LGR6: variants seen among roughly 807,000 people sequenced by gnomAD.
LGR6 encodes leucine-rich repeat-containing G protein-coupled receptor 6.
Under a neutral mutation model 69.4 loss-of-function variants are expected in LGR6, and 45 were observed. The observed-to-expected ratio is 0.65, with a 90% CI of 0.51 to 0.83. LGR6 has a LOEUF of 0.83. LGR6 is among the 40% of genes least tolerant of loss of function. The pLI is 0.00. For missense variants in LGR6, 1,108 were observed against 1,246.7 expected, an observed-to-expected ratio of 0.89 and a Z score of 1.68; for synonymous variants, 538 against 555.0, an observed-to-expected ratio of 0.97 and a Z score of 0.43.
chr1:202,289,554 G>A (rs1041340924), intron 6 of LGR6, among the ~76,000 whole-genome samples: 4 of 152,342 alleles, frequency 2.6e-5, no homozygotes, highest in African/African-American at 9.6e-5. Context: ...GTAGGTGGAA[G>A]GAGGGAGGTT....
chr1:202,307,419 T>C lies in LGR6; in HGVS notation c.1280+18T>C. On this transcript the variant is annotated intron_variant, in intron 14 of 17. Coordinates refer to ENST00000367278, the MANE Select transcript of LGR6 (RefSeq NM_001017403.2). ...GTCAAGCTGTAAGTGCCTGCTGCAT[T>C]CTCCTCCAGGATGCTGGGGGCCAGT... 1 of 1,611,984 alleles carries C rather than the reference T, an allele frequency of 6.2e-7. No homozygotes were observed. Among genetic ancestry groups the C allele is most frequent in the Admixed American group, 1.7e-5 (1 of 60,004 alleles).
intron 1 of LGR6, among the ~76,000 whole-genome samples, chr1:202,199,178 G>A (rs113145433): frequency 0.023 from 3,436 of 152,166 alleles, 116 homozygotes; most frequent in African/African-American, 0.076. Flanking sequence ...CTCCCCGGGA[G>A]AGCTGCTCAG....
rs1227786013 is a variant in LGR6, at chr1:202,301,029, GT to G, written c.857+110del. 4 of 1,290,978 alleles carry G rather than the reference GT, an allele frequency of 3.1e-6. No individual in the cohort carries two copies. The East Asian group carries it at 9.3e-5, about 30-fold the overall frequency. The allele number at this position is 1,290,978 out of a possible 1,614,324, so 80.0% of individuals were successfully genotyped here. A position where few individuals can be genotyped will look rare whatever the true frequency, so the allele number is the denominator to read the frequency against. On this transcript the variant is annotated intron_variant, in intron 8 of 17. Transcript: ENST00000367278. ...CCTAGGAAGCACCAGGGAGGCAGAA[GT>G]ATGGGAGGGGTTGCCTTTCCCTGCA...
intron 11 of LGR6, among the ~76,000 whole-genome samples, chr1:202,305,071 C>T (rs1335580423): frequency 6.6e-6 from 1 of 152,166 alleles, no homozygotes; most frequent in Non-Finnish European, 1.5e-5. Flanking sequence ...GAATCTGAGG[C>T]TCCTCATCAG....
chr1:202,220,261 C>T (rs762709427), intron 1 of LGR6, among the ~76,000 whole-genome samples: 31 of 151,264 alleles, frequency 2.0e-4, no homozygotes, highest in Admixed American at 2.0e-3. Flanking sequence ...TCTGTCGTCC[C>T]GTTCGGAGTG....
chr1:202,222,403 G>C (rs1660221064), intron 1 of LGR6, among the ~76,000 whole-genome samples: 1 of 152,086 alleles, frequency 6.6e-6, no homozygotes. Flanking sequence ...CAGGGTGGTG[G>C]GGCAGAGGGA....
chr1:202,275,107 C>T (rs1224309785), intron 4 of LGR6, among the ~76,000 whole-genome samples: 8 of 152,164 alleles, frequency 5.3e-5, no homozygotes, highest in African/African-American at 1.9e-4. Flanking sequence ...TCACCCCATC[C>T]CACCCTACTG....
At chr1:202,256,605 C>T (rs574173753) in intron 4 of LGR6, among the ~76,000 whole-genome samples, 2 of 152,170 alleles carry the variant, frequency 1.3e-5, no homozygotes, top group Non-Finnish European at 2.9e-5. Context: ...TTTTATTTTA[C>T]CTCTGTATCA....
intron 9 of LGR6, among the ~76,000 whole-genome samples, chr1:202,302,842 C>A (rs1005273948): frequency 6.6e-6 from 1 of 152,166 alleles, no homozygotes. Context: ...CCACCACACC[C>A]GGCTGAGAAC....
intron 16 of LGR6, among the ~76,000 whole-genome samples, chr1:202,311,729 C>G (rs1311973239): frequency 1.3e-5 from 2 of 152,168 alleles, no homozygotes; most frequent in Non-Finnish European, 2.9e-5. Context: ...TTGGGGAAGA[C>G]TAAAAGATTC....
At chr1:202,314,932 C>T (rs746171698) in intron 17 of LGR6, 50 bp downstream of exon 17, 2 of 1,339,606 alleles carry the variant, frequency 1.5e-6, no homozygotes, top group Non-Finnish European at 2.1e-6. Context: ...AGAAAGGGCA[C>T]CCAACCACCT....
intron 16 of LGR6, among the ~76,000 whole-genome samples, chr1:202,312,224 C>T (rs922782791): frequency 2.6e-5 from 4 of 152,242 alleles, no homozygotes; most frequent in African/African-American, 9.6e-5. Context: ...CAGCCAGATT[C>T]GATTTCCTCC....
At chr1:202,240,375 G>GAAA (rs1238580002) in intron 4 of LGR6, among the ~76,000 whole-genome samples, 1 of 105,196 alleles carries the variant, frequency 9.5e-6, no homozygotes, top group Admixed American at 1.0e-4. Flanking sequence ...CTCCATCTCA[G>GAAA]AAAAAAAAAA....
At chr1:202,263,544 C>T (rs1384749685) in intron 4 of LGR6, among the ~76,000 whole-genome samples, 1 of 152,058 alleles carries the variant, frequency 6.6e-6, no homozygotes, top group African/African-American at 2.4e-5. Flanking sequence ...TTGATTTGTT[C>T]CTTCATTTCC....
chr1:202,315,825 G>C (rs1654099673), intron 17 of LGR6, among the ~76,000 whole-genome samples: 1 of 152,186 alleles, frequency 6.6e-6, no homozygotes. Flanking sequence ...ACCCAACCTG[G>C]AGGAAGCAGG....
rs117409449 is a variant in LGR6 at position 202,303,971 on chromosome 1, C to G, written c.999-588C>G. On this transcript the variant is annotated intron_variant, in intron 10 of 17. Transcript: ENST00000367278. ...TTTCCATGAGGGAAGTAGTTATTCC[C>G]CAAAGATGACCTTGGCCTTGGGTCC... 1.7e-3 allele frequency among the ~76,000 whole-genome samples: 256 copies of G among 152,282 alleles called. 8 individuals carry two copies. In the East Asian group the frequency reaches 0.029, roughly 17 times the overall value.
intron 16 of LGR6, 72 bp downstream of exon 16, chr1:202,310,429 G>A: frequency 2.1e-6 from 3 of 1,438,192 alleles, no homozygotes; most frequent in Non-Finnish European, 2.9e-6. Context: ...GATGCTTGGG[G>A]GACCTGAGAG....
chr1:202,316,050 A>G (rs1400893963), intron 17 of LGR6, among the ~76,000 whole-genome samples: 2 of 152,246 alleles, frequency 1.3e-5, no homozygotes, highest in African/African-American at 4.8e-5. Flanking sequence ...TAATATAAAA[A>G]TATTTCTCTG....
At chr1:202,291,854 C>G (rs1468724056) in intron 6 of LGR6, among the ~76,000 whole-genome samples, 3 of 152,182 alleles carry the variant, frequency 2.0e-5, no homozygotes, top group Non-Finnish European at 4.4e-5. Context: ...ATAGTAATTA[C>G]TATTATCCTC....
Sources: allele counts gnomAD v4.1 joint callset (sites outside exome capture counted in the v4.1 genomes callset), GRCh38; gene constraint gnomAD v4.1.1; transcripts MANE v1.5; gene names NCBI Gene and HGNC (gene_info 2026-07-23, HGNC 2026-07-21).